Variants in ATP23 observed in about 807,000 individuals in gnomAD.
ATP23 encodes mitochondrial inner membrane protease ATP23 homolog.
Under a neutral mutation model 28.5 loss-of-function variants are expected in ATP23, and 24 were observed. The observed-to-expected ratio is 0.84, with a 90% CI of 0.61 to 1.18. ATP23 has a LOEUF of 1.18. ATP23 is among the 50% of genes most tolerant of loss of function. The pLI, the probability that ATP23 is intolerant of heterozygous loss-of-function variation, is 0.00. For missense variants in ATP23, 274 were observed against 306.4 expected, an observed-to-expected ratio of 0.89 and a Z score of 0.79; for synonymous variants, 99 against 108.6, an observed-to-expected ratio of 0.91 and a Z score of 0.55.
In ATP23 at chr12:57,947,054, GT is replaced by G; in HGVS notation, c.297del (p.Phe99LeufsTer8). ...GACTGTAATGGAAATGTCAGTGGAG[GT>G]TTTGATGCTTCAACATCTCAGGTAG... Reference protein sequence around the residue: ...CEDCNGNVSGGFDASTSQIVL... With the variant: ...CEDCNGNVSGXFDASTSQIVL... On this transcript the variant is annotated frameshift_variant, in exon 3 of 6. Transcript: ENST00000300145. LOFTEE classifies it high-confidence loss of function. 4 of 1,614,030 alleles carry G rather than the reference GT, an allele frequency of 2.5e-6. No homozygotes were observed. Among genetic ancestry groups the G allele is most frequent in the Non-Finnish European group, 2.5e-6 (3 of 1,179,976 alleles).
intron 2 of ATP23, among the ~76,000 whole-genome samples, 154 bp downstream of exon 2, chr12:57,945,827 T>A (rs12822306): frequency 0.13 from 19,166 of 150,952 alleles, 2,110 homozygotes; most frequent in African/African-American, 0.3. Context: ...GTCTCCGGGC[T>A]GGCCTTGTTC....
intron 3 of ATP23, among the ~76,000 whole-genome samples, chr12:57,947,848 G>A (rs1349763735): frequency 1.1e-4 from 16 of 152,166 alleles, no homozygotes; most frequent in Admixed American, 1.0e-3. Context: ...CATGTGATCA[G>A]GGTAAATGAT....
chr12:57,944,762 A>G (rs1956743048), intron 1 of ATP23, among the ~76,000 whole-genome samples: 1 of 152,208 alleles, frequency 6.6e-6, no homozygotes, highest in Non-Finnish European at 1.5e-5. Context: ...CCCCTTCAAT[A>G]CTTGAAAGTA....
At chr12:57,942,469 G>T (rs1300134625) in intron 1 of ATP23, among the ~76,000 whole-genome samples, 1 of 151,550 alleles carries the variant, frequency 6.6e-6, no homozygotes, top group Non-Finnish European at 1.5e-5. Flanking sequence ...TGTCGCCCAG[G>T]CTGGGGTGCA....
At position 57,956,898 on chromosome 12, in the gene ATP23, G is replaced by A; in HGVS notation, c.*8G>A. The A allele has an allele frequency of 1.3e-6, 2 of 1,585,130 alleles. No homozygotes were observed. The highest frequency in any genetic ancestry group is 2.3e-5 in the South Asian group (2 of 85,202). Reference sequence around the variant, plus strand: ...TATTATTCAAATATATGAGCACAATGACATTTTTATATTACAGAGCTTCCA... The same window carrying A: ...TATTATTCAAATATATGAGCACAATAACATTTTTATATTACAGAGCTTCCA... On this transcript the variant is annotated 3_prime_UTR_variant, in exon 6 of 6. Coordinates refer to ENST00000300145, the MANE Select transcript of ATP23 (RefSeq NM_033276.4).
intron 4 of ATP23, among the ~76,000 whole-genome samples, 200 bp downstream of exon 4, chr12:57,952,095 A>G (rs1212058917): frequency 2.6e-5 from 4 of 152,202 alleles, no homozygotes; most frequent in African/African-American, 7.2e-5. Flanking sequence ...TCTTAACTAT[A>G]TCCTGTAAGT....
At chr12:57,943,124 A>G (rs1956723435) in intron 1 of ATP23, among the ~76,000 whole-genome samples, 1 of 152,148 alleles carries the variant, frequency 6.6e-6, no homozygotes, top group South Asian at 2.1e-4. Flanking sequence ...GAGAATGATG[A>G]TATTGTATTT....
At position 57,957,955 on chromosome 12, in the gene ATP23, C is replaced by T. The variant is rs979688808; in HGVS notation, c.*1065C>T. On this transcript the variant is annotated 3_prime_UTR_variant, in exon 6 of 6. Coordinates refer to ENST00000300145, the MANE Select transcript of ATP23 (RefSeq NM_033276.4). The stretch of plus-strand genomic sequence containing the variant: ...CAGAGGGGAAGAACCAAGCTCTTTT[C>T]TTTCACAGCTGGGAGGTGGGTAGCC... Among the ~76,000 whole-genome samples the T allele has an allele frequency of 5.3e-5, 8 of 152,188 alleles. No homozygotes were observed. The highest frequency in any genetic ancestry group is 1.4e-4 in the African/African-American group (6 of 41,444).
chr12:57,957,383 T>C lies in ATP23; in HGVS notation c.*493T>C, dbSNP rs1956878685. The C allele has an allele frequency of 6.6e-6, 1 of 152,574 alleles. No individual in the cohort carries two copies. The highest frequency in any genetic ancestry group is 2.1e-4 in the South Asian group (1 of 4,838). 9.5% of individuals were successfully genotyped at this position (152,574 alleles called of 1,614,324 possible). On this transcript the variant is annotated 3_prime_UTR_variant, in exon 6 of 6. Coordinates refer to ENST00000300145, the MANE Select transcript of ATP23 (RefSeq NM_033276.4). The stretch of plus-strand genomic sequence containing the variant: ...TCTTTTATCATATATGTGGGACCCA[T>C]ATGGCCTAATTTTCTGGGGACAGTC...
At chr12:57,946,643 T>TAG (rs1565873967) in intron 2 of ATP23, among the ~76,000 whole-genome samples, 1 of 151,208 alleles carries the variant, frequency 6.6e-6, no homozygotes, top group African/African-American at 2.4e-5. Context: ...TTAGTAGAGA[T>TAG]GGGGGGTTCT....
In ATP23 at chr12:57,941,900, G is replaced by T. The variant is rs754823698; in HGVS notation, c.187+12G>T. 1 of 1,612,032 alleles carries T rather than the reference G, an allele frequency of 6.2e-7. No homozygotes were observed. The highest frequency in any genetic ancestry group is 1.1e-5 in the South Asian group (1 of 90,786). The stretch of plus-strand genomic sequence containing the variant: ...GACGCTGGAGACAAGTAGGAGCCAT[G>T]ACCTGGAGGCTGTGGTTCCACAGAA... On this transcript the variant is annotated intron_variant, in intron 1 of 5. Transcript: ENST00000300145.
intron 1 of ATP23, 67 bp downstream of exon 1, chr12:57,941,955 G>T: frequency 6.3e-7 from 1 of 1,575,338 alleles, no homozygotes; most frequent in African/African-American, 1.4e-5. Context: ...GCGAGGAAGG[G>T]CCTGGGCAAC....
intron 4 of ATP23, 99 bp downstream of exon 4, chr12:57,951,994 C>T: frequency 6.9e-7 from 1 of 1,446,054 alleles, no homozygotes; most frequent in Non-Finnish European, 9.4e-7. Flanking sequence ...TGTCATAGTT[C>T]TACCTTAGTC....
chr12:57,954,540 G>A (rs928334628), intron 5 of ATP23, among the ~76,000 whole-genome samples: 4 of 152,162 alleles, frequency 2.6e-5, no homozygotes, highest in African/African-American at 7.2e-5. Flanking sequence ...GAGCTATAAG[G>A]CAAGATTATC....
rs781504376 is a variant in ATP23, at chr12:57,947,096, T to G, written c.315+20T>G. On this transcript the variant is annotated intron_variant, in intron 3 of 5. Transcript: ENST00000300145. ...TCTCAGGTAGGCATTATTGCCAAAT[T>G]GTTTCCTTCCCTTTAATCCTCTCTC... is the stretch of plus-strand genomic sequence containing the variant. 1 of 1,609,956 alleles carries G rather than the reference T, an allele frequency of 6.2e-7. No individual in the cohort carries two copies. The highest frequency in any genetic ancestry group is 1.1e-5 in the South Asian group (1 of 90,804).
Position 57,946,155 on chromosome 12 carries a change from T to C in ATP23, c.233+482T>C, listed in dbSNP as rs532382374. 1.5e-4 allele frequency among the ~76,000 whole-genome samples: 23 copies of C among 151,796 alleles called. 1 individual carries two copies. Among genetic ancestry groups the C allele is most frequent in the African/African-American group, 5.1e-4 (21 of 41,374 alleles). On this transcript the variant is annotated intron_variant, in intron 2 of 5. Transcript: ENST00000300145. ...TGCTGGGATTACAGGTGTGAGCCAC[T>C]GCGCCAGCCCAGCTCATTTTCTAGT...
At chr12:57,950,618 G>A (rs1956806323) in intron 3 of ATP23, among the ~76,000 whole-genome samples, 3 of 151,426 alleles carry the variant, frequency 2.0e-5, no homozygotes, top group Admixed American at 2.0e-4. Flanking sequence ...CCAACCTCCT[G>A]GGCTCAAGTG....
chr12:57,956,624 T>A, intron 5 of ATP23, 63 bp from the exon 6 acceptor site: 1 of 1,189,890 alleles, frequency 8.4e-7, no homozygotes, highest in African/African-American at 1.6e-5. Context: ...TTAGATAAAA[T>A]GTATTATTTC....
chr12:57,953,345 T>G (rs1956832436), intron 4 of ATP23, among the ~76,000 whole-genome samples: 1 of 152,212 alleles, frequency 6.6e-6, no homozygotes, highest in Non-Finnish European at 1.5e-5. Context: ...GCATAAAGTT[T>G]AGAAAATTTC....
Sources: gnomAD v4.1 joint callset for allele counts (sites outside exome capture counted in the v4.1 genomes callset) on GRCh38, gnomAD v4.1.1 for gene constraint, MANE v1.5 for transcripts, NCBI Gene and HGNC (gene_info 2026-07-23, HGNC 2026-07-21) for gene names.